The following PHLPP1 variants were observed in gnomAD, a reference collection of about 807,000 sequenced individuals.
PHLPP1 encodes the protein PH domain and leucine rich repeat protein phosphatase 1, also known as PH domain leucine-rich repeat-containing protein phosphatase 1.
In PHLPP1, 42 loss-of-function variants were observed where a neutral mutation model predicts 117.2. The observed-to-expected ratio is 0.36, with a 90% CI of 0.28 to 0.46. The LOEUF is 0.46. PHLPP1 is among the 20% of genes least tolerant of loss of function. The pLI is 1.00. For missense variants in PHLPP1, 2,084 were observed against 2,241.9 expected, an observed-to-expected ratio of 0.93 and a Z score of 1.42; for synonymous variants, 1,042 against 970.7, an observed-to-expected ratio of 1.07 and a Z score of -1.37.
chr18:62,743,043 A>T (rs1364676393), intron 1 of PHLPP1, among the ~76,000 whole-genome samples: 8 of 152,178 alleles, frequency 5.3e-5, no homozygotes, highest in Admixed American at 5.2e-4. Context: ...TTAGGGAGAC[A>T]TTAAATGAAA....
chr18:62,968,178 G>A (rs1001291174), intron 14 of PHLPP1, among the ~76,000 whole-genome samples: 15 of 152,124 alleles, frequency 9.9e-5, no homozygotes, highest in Non-Finnish European at 1.9e-4. Context: ...AATTTGTTGA[G>A]GATGTCTATA....
At chr18:62,858,256 C>G (rs911656420) in intron 3 of PHLPP1, among the ~76,000 whole-genome samples, 1 of 145,674 alleles carries the variant, frequency 6.9e-6, no homozygotes, top group Non-Finnish European at 1.5e-5. Flanking sequence ...ATTCCATCAG[C>G]AGAACCTTTT....
rs1489239400 is a variant in PHLPP1 at position 62,716,341 on chromosome 18, C to G, written c.658C>G (p.Leu220Val). The stretch of plus-strand genomic sequence containing the variant: ...GGCCTCGACCTACCTGCGCCCGGTG[C>G]TCTGCACACTGGACACCACGGCCGG... Reference protein sequence around the residue: ...HMASTYLRPVLCTLDTTAGEV... With the variant: ...HMASTYLRPVVCTLDTTAGEV... Residue 220 changes from leucine to valine, a missense_variant, in exon 1 of 17, where the codon CTC becomes GTC. Around this residue, in one of 2 missense-constraint regions of PHLPP1, gnomAD observed 719 missense variants for 636.0 expected, o/e 1.13. Coordinates refer to ENST00000262719, the MANE Select transcript of PHLPP1 (RefSeq NM_194449.4). The surrounding 1 kb of genome is among the most constrained non-coding windows in gnomAD (Gnocchi z 5.7). The G allele has an allele frequency of 6.6e-7, 1 of 1,523,972 alleles. No homozygotes were observed. The highest frequency in any genetic ancestry group is 1.4e-5 in the African/African-American group (1 of 71,198). 94.4% of individuals were successfully genotyped at this position (1,523,972 alleles called of 1,614,324 possible).
At chr18:62,968,930 GTTTGA>G (rs951465289) in intron 14 of PHLPP1, among the ~76,000 whole-genome samples, 7 of 152,072 alleles carry the variant, frequency 4.6e-5, no homozygotes, top group African/African-American at 1.7e-4. Context: ...TTCCTGATCA[GTTTGA>G]TTTGGTTTAT....
chr18:62,723,271 C>T, intron 1 of PHLPP1, among the ~76,000 whole-genome samples: 1 of 152,300 alleles, frequency 6.6e-6, no homozygotes, highest in South Asian at 2.1e-4. Context: ...AAGCAAAAAA[C>T]ATCCAGAATT....
At chr18:62,801,014 TCCCTCCCTCCCTCCC>T (rs1913763106) in intron 1 of PHLPP1, among the ~76,000 whole-genome samples, 1 of 1,918 alleles carries the variant, frequency 5.2e-4, no homozygotes, top group Non-Finnish European at 1.8e-3. Context: ...CTTCCTTCCC[TCCCTCCCTCCCTCCC>T]TCCCTCCCTC....
At chr18:62,913,727 T>TTC (rs200624362) in intron 8 of PHLPP1, among the ~76,000 whole-genome samples, 46 of 146,466 alleles carry the variant, frequency 3.1e-4, no homozygotes, top group East Asian at 1.6e-3. Flanking sequence ...ATTAGTTTAG[T>TTC]TCTCTCTCTC....
chr18:62,848,455 A>ATTTTTTTTTTTTTTTTTTTTTTTTTTT (rs56223512), intron 3 of PHLPP1, among the ~76,000 whole-genome samples: 3 of 88,548 alleles, frequency 3.4e-5, no homozygotes, highest in East Asian at 3.5e-4. Context: ...TTTTTTGTTG[A>ATTTTTTTTTTTTTTTTTTTTTTTTTTT]TTTTTTTTTT....
At chr18:62,903,731 C>T (rs1007145521) in intron 7 of PHLPP1, among the ~76,000 whole-genome samples, 1 of 150,342 alleles carries the variant, frequency 6.7e-6, no homozygotes, top group Non-Finnish European at 1.5e-5. Context: ...GATCACACTA[C>T]TGCACTCCAG....
At chr18:62,725,786 C>A (rs1911051207) in intron 1 of PHLPP1, among the ~76,000 whole-genome samples, 1 of 152,138 alleles carries the variant, frequency 6.6e-6, no homozygotes, top group Non-Finnish European at 1.5e-5. Flanking sequence ...TTATCTTAAG[C>A]AAAAGCTTTA....
chr18:62,964,347 A>G (rs965383733), intron 14 of PHLPP1, among the ~76,000 whole-genome samples: 4 of 152,302 alleles, frequency 2.6e-5, no homozygotes, highest in South Asian at 2.1e-4. Flanking sequence ...AATCTCCCCC[A>G]GGTGATTCTA....
At chr18:62,738,441 A>G (rs1049878238) in intron 1 of PHLPP1, among the ~76,000 whole-genome samples, 2 of 152,380 alleles carry the variant, frequency 1.3e-5, no homozygotes. Flanking sequence ...GGATATTTAC[A>G]TAGCGTTTAC....
At chr18:62,725,035 C>T (rs921760526) in intron 1 of PHLPP1, among the ~76,000 whole-genome samples, 5 of 152,036 alleles carry the variant, frequency 3.3e-5, no homozygotes, top group Admixed American at 2.0e-4. Context: ...AAAATTTAAG[C>T]ATGAATTTTG....
chr18:62,968,056 C>T (rs1437660752), intron 14 of PHLPP1, among the ~76,000 whole-genome samples: 1 of 152,190 alleles, frequency 6.6e-6, no homozygotes. Context: ...CTCCTGACCT[C>T]AAGTGATCTG....
intron 12 of PHLPP1, among the ~76,000 whole-genome samples, chr18:62,954,877 T>G (rs777849071): frequency 1.3e-5 from 2 of 152,206 alleles, no homozygotes; most frequent in Non-Finnish European, 2.9e-5. Flanking sequence ...GAGAAAATGA[T>G]TGTCATGTGC....
chr18:62,760,093 G>A (rs1912166754), intron 1 of PHLPP1, among the ~76,000 whole-genome samples: 1 of 152,292 alleles, frequency 6.6e-6, no homozygotes, highest in South Asian at 2.1e-4. Context: ...CAGTTCTAAG[G>A]GATGGATACT....
intron 3 of PHLPP1, chr18:62,839,921 AAATAATGGGG>A (rs1390416534): frequency 6.6e-6 from 1 of 151,688 alleles, no homozygotes; most frequent in Non-Finnish European, 1.5e-5. Context: ...ATTAAGTGTA[AAATAATGGGG>A]TGGATTGCAG....
chr18:62,745,631 A>T (rs1911653768), intron 1 of PHLPP1, among the ~76,000 whole-genome samples: 1 of 152,180 alleles, frequency 6.6e-6, no homozygotes, highest in South Asian at 2.1e-4. Flanking sequence ...TTTTGGAGTA[A>T]TTTTAATAGT....
chr18:62,846,963 A>G (rs908801457), intron 3 of PHLPP1, among the ~76,000 whole-genome samples: 5 of 152,072 alleles, frequency 3.3e-5, no homozygotes, highest in African/African-American at 1.2e-4. Context: ...ATCCTAGTTA[A>G]TATATTCCTG....
Sources: allele counts gnomAD v4.1 joint callset (sites outside exome capture counted in the v4.1 genomes callset), GRCh38; gene constraint gnomAD v4.1.1; regional missense constraint gnomAD v4.1.1; non-coding constraint Gnocchi (gnomAD v3.1); transcripts MANE v1.5; gene names NCBI Gene and HGNC (gene_info 2026-07-23, HGNC 2026-07-21).